The following ASAP1 variants were observed in gnomAD, a reference collection of about 807,000 sequenced individuals.
ASAP1 encodes arf-GAP with SH3 domain, ANK repeat and PH domain-containing protein 1.
ASAP1 carries 43 observed loss-of-function variants against 145.2 expected under a neutral mutation model. The ratio of observed to expected loss-of-function variants is 0.30; its 90% confidence interval spans 0.23 to 0.38. The LOEUF is 0.38. Among genes scored for constraint, ASAP1 ranks in the 10% least tolerant of loss-of-function variants. ASAP1 has a pLI of 1.00. For missense variants in ASAP1, 1,018 were observed against 1,355.3 expected, an observed-to-expected ratio of 0.75 and a Z score of 3.91; for synonymous variants, 546 against 515.5, an observed-to-expected ratio of 1.06 and a Z score of -0.80.
chr8:130,332,215 T>C (rs939454047), intron 3 of ASAP1, among the ~76,000 whole-genome samples: 2 of 152,220 alleles, frequency 1.3e-5, no homozygotes, highest in Non-Finnish European at 2.9e-5. Flanking sequence ...TCTGCATCTT[T>C]CTGGTGCTTT....
At chr8:130,208,447 A>C (rs993410890) in intron 5 of ASAP1, among the ~76,000 whole-genome samples, 1 of 152,132 alleles carries the variant, frequency 6.6e-6, no homozygotes, top group Non-Finnish European at 1.5e-5. Flanking sequence ...GTAACTACTG[A>C]TCTGCTCTCC....
intron 3 of ASAP1, among the ~76,000 whole-genome samples, chr8:130,334,749 C>T (rs1416669475): frequency 6.6e-6 from 1 of 152,166 alleles, no homozygotes; most frequent in Non-Finnish European, 1.5e-5. Flanking sequence ...ACTTTTTATA[C>T]TACAACATCA....
Position 130,420,508 on chromosome 8 carries a change from G to A in ASAP1, c.-27-18538C>T, listed in dbSNP as rs529308180. 1.8e-4 allele frequency among the ~76,000 whole-genome samples: 27 copies of A among 152,184 alleles called. No homozygotes were observed. In the South Asian group the frequency reaches 2.3e-3, roughly 13 times the overall value. ...GCACTATTCACGATGGCCAGGAGGT[G>A]GAAACAACCCAAAACCTATCAGCCA... On this transcript the variant is annotated intron_variant, in intron 1 of 29. Transcript: ENST00000518721.
At chr8:130,257,757 A>G (rs144913055) in intron 3 of ASAP1, among the ~76,000 whole-genome samples, 4 of 147,026 alleles carry the variant, frequency 2.7e-5, no homozygotes, top group African/African-American at 1.0e-4. Flanking sequence ...TTAACACAAT[A>G]TTTTCTAAAC....
At chr8:130,174,811 A>G (rs1441280098) in intron 9 of ASAP1, among the ~76,000 whole-genome samples, 1 of 152,214 alleles carries the variant, frequency 6.6e-6, no homozygotes. Context: ...CCCATATGTA[A>G]CATGTATCAA....
intron 2 of ASAP1, among the ~76,000 whole-genome samples, chr8:130,399,613 C>T (rs967069178): frequency 3.3e-5 from 5 of 152,066 alleles, no homozygotes; most frequent in Non-Finnish European, 7.4e-5. Flanking sequence ...CTTCATCCAC[C>T]CATTCAGGAC....
At chr8:130,368,311 T>C (rs1352491986) in intron 2 of ASAP1, among the ~76,000 whole-genome samples, 1 of 152,234 alleles carries the variant, frequency 6.6e-6, no homozygotes. Context: ...GTGAATAAAC[T>C]ACTTTTCTCC....
chr8:130,242,408 A>G (rs1378222159), intron 3 of ASAP1, among the ~76,000 whole-genome samples: 1 of 151,734 alleles, frequency 6.6e-6, no homozygotes, highest in African/African-American at 2.4e-5. Context: ...CATAATCGCC[A>G]CAAGGCAAAT....
chr8:130,132,071 A>C (rs1193988015), intron 15 of ASAP1, among the ~76,000 whole-genome samples: 1 of 152,212 alleles, frequency 6.6e-6, no homozygotes, highest in East Asian at 1.9e-4. Flanking sequence ...TGAGGAAGAG[A>C]GAATGAAATC....
intron 25 of ASAP1, among the ~76,000 whole-genome samples, chr8:130,084,921 G>C (rs1347473405): frequency 6.6e-6 from 1 of 152,180 alleles, no homozygotes; most frequent in Non-Finnish European, 1.5e-5. Flanking sequence ...TTTTGGTATA[G>C]TTTTTCATCC....
intron 26 of ASAP1, 75 bp from the exon 27 acceptor site, chr8:130,076,481 C>A: frequency 2.7e-6 from 3 of 1,094,390 alleles, no homozygotes; most frequent in East Asian, 2.4e-5. Context: ...TCAAGTAAAT[C>A]AAATCAAAGG....
At chr8:130,100,998 G>T (rs1389999186) in intron 24 of ASAP1, among the ~76,000 whole-genome samples, 2 of 152,148 alleles carry the variant, frequency 1.3e-5, no homozygotes, top group Non-Finnish European at 1.5e-5. Context: ...TTCATCTTGA[G>T]TTGAGAGATA....
chr8:130,157,091 T>C (rs1407624989), intron 12 of ASAP1, among the ~76,000 whole-genome samples: 1 of 152,206 alleles, frequency 6.6e-6, no homozygotes, highest in African/African-American at 2.4e-5. Context: ...TTCCAAGAGA[T>C]GTTTGTACCA....
At chr8:130,142,101 T>G (rs2097613278) in intron 13 of ASAP1, among the ~76,000 whole-genome samples, 1 of 152,192 alleles carries the variant, frequency 6.6e-6, no homozygotes, top group Non-Finnish European at 1.5e-5. Flanking sequence ...GTGAGGGAAG[T>G]CTTCAGTTTC....
intron 5 of ASAP1, 23 bp from the exon 6 acceptor site, chr8:130,188,206 G>C (rs774040354): frequency 3.2e-6 from 5 of 1,584,142 alleles, no homozygotes; most frequent in Admixed American, 3.4e-5. Context: ...AGGGAAGATG[G>C]GAGATGGTTA....
chr8:130,401,719 C>G (rs1828804012), intron 2 of ASAP1, among the ~76,000 whole-genome samples, 166 bp downstream of exon 2: 1 of 152,158 alleles, frequency 6.6e-6, no homozygotes, highest in African/African-American at 2.4e-5. Context: ...CAGTCTACAC[C>G]TGTACAAATG....
At chr8:130,138,931 G>A (rs1479567967) in intron 13 of ASAP1, among the ~76,000 whole-genome samples, 1 of 151,860 alleles carries the variant, frequency 6.6e-6, no homozygotes, top group African/African-American at 2.4e-5. Context: ...AGCAGGCTTA[G>A]CTCACTGTAA....
chr8:130,194,601 G>A (rs1015522853), intron 5 of ASAP1, among the ~76,000 whole-genome samples: 1 of 152,176 alleles, frequency 6.6e-6, no homozygotes, highest in African/African-American at 2.4e-5. Context: ...GTGGAAGACA[G>A]TTTTTCTACA....
chr8:130,129,305 TTAAATA>T (rs1356280542), intron 15 of ASAP1, among the ~76,000 whole-genome samples: 9 of 152,144 alleles, frequency 5.9e-5, no homozygotes, highest in African/African-American at 2.2e-4. Flanking sequence ...AATCCCAAAT[TTAAATA>T]TATGTATGTA....
Sources: gnomAD v4.1 joint callset for allele counts (sites outside exome capture counted in the v4.1 genomes callset) on GRCh38, gnomAD v4.1.1 for gene constraint, MANE v1.5 for transcripts, NCBI Gene and HGNC (gene_info 2026-07-23, HGNC 2026-07-21) for gene names.